The following NR5A2 variants were observed in gnomAD, a reference collection of about 807,000 sequenced individuals.
NR5A2 encodes nuclear receptor subfamily 5 group A member 2.
Under a neutral mutation model 62.7 loss-of-function variants are expected in NR5A2, and 26 were observed. The ratio of observed to expected loss-of-function variants is 0.41; its 90% confidence interval spans 0.30 to 0.58. The LOEUF (loss-of-function observed/expected upper bound fraction) is 0.58, where lower values mean the gene tolerates loss of function less well. Ranked by LOEUF, NR5A2 falls within the 20% of genes least tolerant of loss-of-function variation. The pLI is 0.22. For missense variants in NR5A2, 541 were observed against 669.1 expected (o/e 0.81, Z 2.11); for synonymous variants, 246 against 241.7 (o/e 1.02, Z -0.16).
chr1:200,048,081 G>A lies in NR5A2; in HGVS notation c.464-91G>A. On this transcript the variant is annotated intron_variant, in intron 4 of 7. Coordinates refer to ENST00000367362, the MANE Select transcript of NR5A2 (RefSeq NM_205860.3). The surrounding 1 kb of genome is among the most constrained non-coding windows in gnomAD (Gnocchi z 4.8). Reference sequence around the variant, plus strand: ...AACAACCACACACATACCACTTCTTGTCGATTTACATTTCTAAATATCTGA... The same window carrying A: ...AACAACCACACACATACCACTTCTTATCGATTTACATTTCTAAATATCTGA... The A allele has an allele frequency of 7.9e-7, 1 of 1,264,032 alleles. No homozygotes were observed. The highest frequency in any genetic ancestry group is 1.1e-6 in the Non-Finnish European group (1 of 909,490). The allele number at this position is 1,264,032 out of a possible 1,614,324, so 78.3% of individuals were successfully genotyped here.
intron 5 of NR5A2, among the ~76,000 whole-genome samples, chr1:200,106,061 C>CCTCTGTTG (rs373033375): frequency 1.7e-5 from 2 of 115,060 alleles, no homozygotes; most frequent in African/African-American, 7.2e-5. Context: ...CAGATTCACT[C>CCTCTGTTG]TTCTTTTTTT....
chr1:200,101,181 T>A (rs1467972768), intron 5 of NR5A2, among the ~76,000 whole-genome samples: 1 of 152,250 alleles, frequency 6.6e-6, no homozygotes, highest in Non-Finnish European at 1.5e-5. Context: ...CCTGATGCAC[T>A]AAGTATTTTG....
At chr1:200,058,590 C>T (rs1663037349) in intron 5 of NR5A2, among the ~76,000 whole-genome samples, 1 of 151,776 alleles carries the variant, frequency 6.6e-6, no homozygotes, top group South Asian at 2.1e-4. Context: ...AAGCGATTCT[C>T]CTCCGTCAAC....
Position 200,147,568 on chromosome 1 carries a change from G to A in NR5A2, c.1379-26395G>A, listed in dbSNP as rs1667764839. 5 of 701,890 alleles carry A rather than the reference G, an allele frequency of 7.1e-6. No individual in the cohort carries two copies. The highest frequency in any genetic ancestry group is 6.7e-5 in the South Asian group (5 of 74,244). 43.5% of individuals were successfully genotyped at this position (701,890 alleles called of 1,614,324 possible). A position where few individuals can be genotyped will look rare whatever the true frequency, so the allele number is the denominator to read the frequency against. On this transcript the variant is annotated intron_variant, in intron 7 of 7. Transcript: ENST00000367362. The surrounding 1 kb of genome is among the most constrained non-coding windows in gnomAD (Gnocchi z 4.9). ...TGGTTTCTCCATTGGTGTGCTTAAA[G>A]CGATCTCCTCTACACGAACGCTAGG...
At chr1:200,063,560 A>G (rs1011562717) in intron 5 of NR5A2, among the ~76,000 whole-genome samples, 7 of 152,180 alleles carry the variant, frequency 4.6e-5, no homozygotes, top group Non-Finnish European at 1.0e-4. Flanking sequence ...TGAGTTTATC[A>G]ATGAAGTGTT....
intron 5 of NR5A2, among the ~76,000 whole-genome samples, chr1:200,096,949 A>T (rs980189062): frequency 6.6e-6 from 1 of 152,206 alleles, no homozygotes; most frequent in Non-Finnish European, 1.5e-5. Context: ...ACAAGGATGA[A>T]ATCACCTAAT....
intron 6 of NR5A2, among the ~76,000 whole-genome samples, chr1:200,115,822 C>A (rs1324505026): frequency 6.6e-6 from 1 of 151,918 alleles, no homozygotes; most frequent in Non-Finnish European, 1.5e-5. Flanking sequence ...TAAGGAAGTG[C>A]CTTACCCCTA....
chr1:200,040,040 C>T (rs919953311), intron 2 of NR5A2, among the ~76,000 whole-genome samples: 11 of 152,170 alleles, frequency 7.2e-5, no homozygotes, highest in Admixed American at 2.0e-4. Context: ...GAGAGGCTTC[C>T]AGCTCTATGG....
chr1:200,054,362 ATTT>A (rs34968538), intron 5 of NR5A2, among the ~76,000 whole-genome samples: 1 of 147,244 alleles, frequency 6.8e-6, no homozygotes, highest in Non-Finnish European at 1.5e-5. Flanking sequence ...TTTTTCAGTT[ATTT>A]TTTTTTTCAC....
At chr1:200,072,735 C>A (rs191109434) in intron 5 of NR5A2, among the ~76,000 whole-genome samples, 1 of 152,262 alleles carries the variant, frequency 6.6e-6, no homozygotes, top group East Asian at 1.9e-4. Context: ...TGCACAGAGT[C>A]ATGCTGCTTT....
In NR5A2 at chr1:200,147,678, G is replaced by C. The variant is rs1667771759; in HGVS notation, c.1379-26285G>C. The C allele has an allele frequency of 1.5e-6, 1 of 689,348 alleles. No homozygotes were observed. Among genetic ancestry groups the C allele is most frequent in the Non-Finnish European group, 2.7e-6 (1 of 364,342 alleles). The allele number at this position is 689,348 out of a possible 1,614,324, so 42.7% of individuals were successfully genotyped here. ...TGAAGTCGGACACGTGGAAGACATG[G>C]GTGGACTTGGGCTCCGAGGCGATCT... On this transcript the variant is annotated intron_variant, in intron 7 of 7. Transcript: ENST00000367362. The surrounding 1 kb of genome is among the most constrained non-coding windows in gnomAD (Gnocchi z 4.9).
At position 200,174,342 on chromosome 1, in the gene NR5A2, A is replaced by T; in HGVS notation, c.*132A>T. On this transcript the variant is annotated 3_prime_UTR_variant, in exon 8 of 8. Coordinates refer to ENST00000367362, the MANE Select transcript of NR5A2 (RefSeq NM_205860.3). ...CGCTAATTAAAAACTTGCTTTAAAG[A>T]TATTGAATTTAAAAAGGCATAATAA... is the stretch of plus-strand genomic sequence containing the variant. The T allele has an allele frequency of 1.1e-6, 1 of 935,718 alleles. No individual in the cohort carries two copies. The highest frequency in any genetic ancestry group is 1.5e-6 in the Non-Finnish European group (1 of 687,714). The allele number at this position is 935,718 out of a possible 1,614,324, so 58.0% of individuals were successfully genotyped here.
chr1:200,114,931 G>T (rs1235589155), intron 6 of NR5A2, among the ~76,000 whole-genome samples: 1 of 152,134 alleles, frequency 6.6e-6, no homozygotes, highest in Non-Finnish European at 1.5e-5. Flanking sequence ...CTTCACGCCG[G>T]CATTTAATAT....
chr1:200,099,710 C>T (rs1665275827), intron 5 of NR5A2, among the ~76,000 whole-genome samples: 1 of 152,192 alleles, frequency 6.6e-6, no homozygotes, highest in South Asian at 2.1e-4. Flanking sequence ...TCTCCTGCCT[C>T]AGCCTCCCAA....
At chr1:200,042,709 G>A (rs998812842) in intron 2 of NR5A2, 2 of 642,684 alleles carry the variant, frequency 3.1e-6, no homozygotes, top group African/African-American at 4.0e-5. Flanking sequence ...CAGACCTGCG[G>A]GTGCCCGCCC....
intron 5 of NR5A2, among the ~76,000 whole-genome samples, chr1:200,060,299 G>A (rs954644954): frequency 1.3e-5 from 2 of 152,142 alleles, no homozygotes; most frequent in African/African-American, 4.8e-5. Flanking sequence ...GAGCAAGGAA[G>A]GCAACTCGTT....
At chr1:200,070,621 G>A (rs61819918) in intron 5 of NR5A2, among the ~76,000 whole-genome samples, 2 of 150,918 alleles carry the variant, frequency 1.3e-5, no homozygotes, top group South Asian at 4.2e-4. Flanking sequence ...TCCAGGCTAC[G>A]GTAAGCTGAG....
chr1:200,136,679 T>C (rs1667236767), intron 7 of NR5A2, among the ~76,000 whole-genome samples: 1 of 152,228 alleles, frequency 6.6e-6, no homozygotes, highest in African/African-American at 2.4e-5. Context: ...TGATTAAGTA[T>C]GTAGATCAGA....
chr1:200,157,629 TTC>T (rs1289033132), intron 7 of NR5A2, among the ~76,000 whole-genome samples: 1 of 152,244 alleles, frequency 6.6e-6, no homozygotes, highest in Non-Finnish European at 1.5e-5. Flanking sequence ...AATATGGATT[TTC>T]TGTCTTTCAT....
Sources: gnomAD v4.1 joint callset for allele counts (sites outside exome capture counted in the v4.1 genomes callset) on GRCh38, gnomAD v4.1.1 for gene constraint, Gnocchi (gnomAD v3.1) non-coding constraint, MANE v1.5 for transcripts, NCBI Gene and HGNC (gene_info 2026-07-23, HGNC 2026-07-21) for gene names.